Variants in AMBRA1 observed in about 807,000 individuals in gnomAD.
The protein encoded by AMBRA1 is autophagy and beclin 1 regulator 1.
In AMBRA1, 47 loss-of-function variants were observed where a neutral mutation model predicts 125.4. That is an observed-to-expected ratio of 0.37 (90% CI 0.30 to 0.48). The LOEUF is 0.48. AMBRA1 is among the 20% of genes least tolerant of loss of function. The pLI, the probability that AMBRA1 is intolerant of heterozygous loss-of-function variation, is 0.99. For synonymous variants in AMBRA1, 626 were observed against 655.5 expected, an observed-to-expected ratio of 0.95 and a Z score of 0.69; for missense variants, 1,331 against 1,693.4, an observed-to-expected ratio of 0.79 and a Z score of 3.76.
chr11:46,536,152 C>T lies in AMBRA1; in HGVS notation c.2072+5793G>A, dbSNP rs551125302. Reference sequence around the variant, plus strand: ...ACAGGACTTATATTGCATATGAAACCATAAGGAACATAATTTCAATTCTAC... The same window carrying T: ...ACAGGACTTATATTGCATATGAAACTATAAGGAACATAATTTCAATTCTAC... On this transcript the variant is annotated intron_variant, in intron 7 of 17. Transcript: ENST00000683756. Among the ~76,000 whole-genome samples the T allele has an allele frequency of 2.2e-4, 34 of 152,262 alleles. No homozygotes were observed. In the South Asian group the frequency reaches 7.1e-3, roughly 32 times the overall value.
chr11:46,559,797 A>G (rs1296956859), intron 1 of AMBRA1, among the ~76,000 whole-genome samples: 1 of 152,212 alleles, frequency 6.6e-6, no homozygotes, highest in Non-Finnish European at 1.5e-5. Context: ...ATCTTGGACA[A>G]ATCATATCCT....
At chr11:46,470,354 C>A (rs1484152136) in intron 11 of AMBRA1, among the ~76,000 whole-genome samples, 1 of 151,900 alleles carries the variant, frequency 6.6e-6, no homozygotes, top group African/African-American at 2.4e-5. Flanking sequence ...TTTGGGAGTC[C>A]GAGACGGGCG....
chr11:46,411,878 G>A (rs1305553099), intron 15 of AMBRA1, among the ~76,000 whole-genome samples: 4 of 151,776 alleles, frequency 2.6e-5, no homozygotes, highest in Non-Finnish European at 4.4e-5. Context: ...TTCCCACCTC[G>A]GCCTCCCAAA....
intron 11 of AMBRA1, among the ~76,000 whole-genome samples, chr11:46,452,884 T>C (rs1227989617): frequency 2.0e-5 from 3 of 152,130 alleles, no homozygotes; most frequent in Non-Finnish European, 4.4e-5. Context: ...AATGCCCAAA[T>C]ATATATGTGT....
intron 7 of AMBRA1, chr11:46,518,235 G>C (rs1265737470): frequency 4.2e-6 from 1 of 236,732 alleles, no homozygotes; most frequent in Non-Finnish European, 7.0e-6. Flanking sequence ...TTCGAGACCA[G>C]CCTGGCTAAC....
Position 46,464,506 on chromosome 11 carries a change from G to C in AMBRA1, c.2522-20908C>G, listed in dbSNP as rs894750592. On this transcript the variant is annotated intron_variant, in intron 11 of 17. Coordinates refer to ENST00000683756, the MANE Select transcript of AMBRA1 (RefSeq NM_001387011.1). ...TTGGGTTTTGTACCTTGGGTCTACA[G>C]ATAGGCTTCAGGTGGTTCAAGAAAC... is the stretch of plus-strand genomic sequence containing the variant. Among the ~76,000 whole-genome samples, 8 of 152,164 alleles carry C rather than the reference G, an allele frequency of 5.3e-5. No homozygotes were observed. In the East Asian group the frequency reaches 1.5e-3, roughly 29 times the overall value.
intron 17 of AMBRA1, among the ~76,000 whole-genome samples, chr11:46,399,099 A>G: frequency 6.7e-6 from 1 of 149,958 alleles, no homozygotes; most frequent in Non-Finnish European, 1.5e-5. Context: ...TTTGAAATGG[A>G]GTTTTGTTCT....
Position 46,542,667 on chromosome 11 carries a change from C to T in AMBRA1, c.1350G>A (p.Val450=). ...GAGAGCCACCTTCCTGCTGTCTCAGCACAGACAGCAAACTCACCGAAGAGG... is the reference window on the plus strand; with the variant it reads ...GAGAGCCACCTTCCTGCTGTCTCAGTACAGACAGCAAACTCACCGAAGAGG... The part of the protein sequence containing the change: ...TSASSVSLLS[V]LRQQEGGSQA... Residue 450 remains valine (V), a synonymous_variant, in exon 7 of 18, where the codon GTG becomes GTA. Transcript: ENST00000683756. This position sits in a 1 kb window ranked among gnomAD's most constrained non-coding sequence, Gnocchi z 5.9. 6.2e-7 allele frequency: 1 copy of T among 1,614,194 alleles called. No individual in the cohort carries two copies.
At chr11:46,520,207 T>C (rs1951697846) in intron 7 of AMBRA1, among the ~76,000 whole-genome samples, 1 of 151,346 alleles carries the variant, frequency 6.6e-6, no homozygotes, top group African/African-American at 2.4e-5. Context: ...CCACTATCAA[T>C]ATTTAATTTC....
At chr11:46,585,695 A>AAAAAAATATATATAT (rs1555017410) in intron 1 of AMBRA1, among the ~76,000 whole-genome samples, 4 of 22,914 alleles carry the variant, frequency 1.7e-4, no homozygotes, top group African/African-American at 3.6e-4. Context: ...AAAAAAAAAA[A>AAAAAAATATATATAT]ATATATATAT....
chr11:46,427,371 C>A (rs1367163989), intron 14 of AMBRA1, among the ~76,000 whole-genome samples: 1 of 152,070 alleles, frequency 6.6e-6, no homozygotes, highest in African/African-American at 2.4e-5. Context: ...GGATACCCAA[C>A]GGTATAAAAG....
chr11:46,502,827 G>A lies in AMBRA1; in HGVS notation c.2339+5364C>T, dbSNP rs537294641. On this transcript the variant is annotated intron_variant, in intron 9 of 17. Coordinates refer to ENST00000683756, the MANE Select transcript of AMBRA1 (RefSeq NM_001387011.1). The stretch of plus-strand genomic sequence containing the variant: ...TGTAATCCCAGCACTTTGGGAGGCC[G>A]AAGTGGGCAGATCACGAGGTCAGGA... Among the ~76,000 whole-genome samples, 40 of 152,160 alleles carry A rather than the reference G, an allele frequency of 2.6e-4. No individual in the cohort carries two copies. In the South Asian group the frequency reaches 5.2e-3, roughly 20 times the overall value.
At chr11:46,454,579 CAAAAAAAA>C (rs777518872) in intron 11 of AMBRA1, among the ~76,000 whole-genome samples, 102 of 50,494 alleles carry the variant, frequency 2.0e-3, no homozygotes, top group African/African-American at 4.5e-3. Flanking sequence ...ACTAAAAATA[CAAAAAAAA>C]AAAAAAAAAA....
At chr11:46,422,933 G>A (rs563583090) in intron 14 of AMBRA1, among the ~76,000 whole-genome samples, 45 of 152,274 alleles carry the variant, frequency 3.0e-4, no homozygotes, top group African/African-American at 1.0e-3. Flanking sequence ...GAAGAGCTGT[G>A]GAAAAAGGTG....
intron 14 of AMBRA1, among the ~76,000 whole-genome samples, chr11:46,432,653 T>G (rs999001283): frequency 6.6e-6 from 1 of 152,198 alleles, no homozygotes; most frequent in African/African-American, 2.4e-5. Flanking sequence ...TTGGGTGGAT[T>G]AAACACATAC....
intron 1 of AMBRA1, among the ~76,000 whole-genome samples, chr11:46,551,338 G>A (rs1476155271): frequency 6.6e-6 from 1 of 151,764 alleles, no homozygotes; most frequent in Non-Finnish European, 1.5e-5. Flanking sequence ...AAAGAAACAG[G>A]GTATCACTCT....
chr11:46,498,084 G>A (rs1012898458), intron 9 of AMBRA1, among the ~76,000 whole-genome samples: 3 of 152,132 alleles, frequency 2.0e-5, no homozygotes, highest in African/African-American at 7.2e-5. Context: ...GATAGAAGGA[G>A]ACAAATTTGG....
intron 7 of AMBRA1, among the ~76,000 whole-genome samples, chr11:46,538,465 T>TA (rs778442382): frequency 1.8e-4 from 28 of 152,154 alleles, no homozygotes; most frequent in Non-Finnish European, 3.8e-4. Context: ...AAAAAATACT[T>TA]AAACAAAAAA....
chr11:46,530,921 T>C (rs1952187081), intron 7 of AMBRA1, among the ~76,000 whole-genome samples: 1 of 152,268 alleles, frequency 6.6e-6, no homozygotes, highest in African/African-American at 2.4e-5. Flanking sequence ...TCTCGCTCTG[T>C]AGCCCAGGCT....
Sources: gnomAD v4.1 joint callset for allele counts (sites outside exome capture counted in the v4.1 genomes callset) on GRCh38, gnomAD v4.1.1 for gene constraint, Gnocchi (gnomAD v3.1) non-coding constraint, MANE v1.5 for transcripts, NCBI Gene and HGNC (gene_info 2026-07-23, HGNC 2026-07-21) for gene names.